Variants in ELP4 observed in about 807,000 individuals in gnomAD.
ELP4 encodes elongator acetyltransferase complex subunit 4, also known as elongator complex protein 4.
Under a neutral mutation model 48.9 loss-of-function variants are expected in ELP4, and 51 were observed. That is an observed-to-expected ratio of 1.04 (90% CI 0.83 to 1.32). ELP4 has a LOEUF of 1.32. Among genes scored for constraint, ELP4 ranks in the 40% most tolerant of loss-of-function variants. The pLI is 0.00. For synonymous variants in ELP4, 210 were observed against 189.2 expected (o/e 1.11, Z -0.90); for missense variants, 519 against 514.6 (o/e 1.01, Z -0.08).
chr11:31,684,789 A>T (rs1474359890), intron 9 of ELP4, among the ~76,000 whole-genome samples: 3 of 152,166 alleles, frequency 2.0e-5, no homozygotes, highest in Admixed American at 6.5e-5. Context: ...CGTAAACAAA[A>T]ATCAATTCCA....
intron 5 of ELP4, among the ~76,000 whole-genome samples, chr11:31,610,165 G>A (rs779912569): frequency 6.6e-6 from 1 of 152,154 alleles, no homozygotes; most frequent in African/African-American, 2.4e-5. Context: ...AAAGGATATG[G>A]TGAATGATAA....
intron 9 of ELP4, among the ~76,000 whole-genome samples, chr11:31,709,401 G>A (rs1016341401): frequency 5.3e-5 from 8 of 152,220 alleles, no homozygotes; most frequent in East Asian, 3.9e-4. Context: ...AATACTTACC[G>A]AATGACCCAA....
At chr11:31,733,943 T>A (rs1295061422) in intron 9 of ELP4, among the ~76,000 whole-genome samples, 1 of 152,204 alleles carries the variant, frequency 6.6e-6, no homozygotes, top group Non-Finnish European at 1.5e-5. Flanking sequence ...CTATCTGTGA[T>A]GAAGATAGAT....
chr11:31,747,447 A>T (rs1947622093), intron 9 of ELP4, among the ~76,000 whole-genome samples: 1 of 152,182 alleles, frequency 6.6e-6, no homozygotes, highest in Non-Finnish European at 1.5e-5. Flanking sequence ...TTTAAGTTAC[A>T]TAAAAGAAGG....
At chr11:31,546,051 C>A (rs1007775665) in intron 3 of ELP4, among the ~76,000 whole-genome samples, 15 of 151,968 alleles carry the variant, frequency 9.9e-5, no homozygotes, top group African/African-American at 3.6e-4. Flanking sequence ...TAAAGACCAT[C>A]GAGACTAGGA....
At chr11:31,718,648 C>T (rs552826289) in intron 9 of ELP4, among the ~76,000 whole-genome samples, 34 of 152,296 alleles carry the variant, frequency 2.2e-4, no homozygotes, top group African/African-American at 7.2e-4. Flanking sequence ...AGCTGTCTTC[C>T]GGAGCACCTG....
At chr11:31,702,417 A>C (rs909291961) in intron 9 of ELP4, among the ~76,000 whole-genome samples, 1 of 152,110 alleles carries the variant, frequency 6.6e-6, no homozygotes, top group Non-Finnish European at 1.5e-5. Context: ...TAATGGATAC[A>C]GAGTTTCAAT....
intron 9 of ELP4, among the ~76,000 whole-genome samples, chr11:31,750,134 G>A (rs1565139832): frequency 6.6e-6 from 1 of 152,056 alleles, no homozygotes; most frequent in Non-Finnish European, 1.5e-5. Flanking sequence ...AAAGTGCTGG[G>A]ACTATAGGTG....
chr11:31,631,399 G>C (rs192472559), intron 6 of ELP4, among the ~76,000 whole-genome samples: 9 of 152,188 alleles, frequency 5.9e-5, no homozygotes, highest in African/African-American at 1.9e-4. Context: ...ATTTGCACAT[G>C]CCAGGTTTTG....
At chr11:31,742,898 C>T (rs1366321465) in intron 9 of ELP4, among the ~76,000 whole-genome samples, 7 of 152,188 alleles carry the variant, frequency 4.6e-5, no homozygotes, top group Non-Finnish European at 8.8e-5. Flanking sequence ...TCACACATAA[C>T]AATATTAACT....
intron 9 of ELP4, among the ~76,000 whole-genome samples, chr11:31,781,820 T>C (rs1179479851): frequency 1.3e-5 from 2 of 152,154 alleles, no homozygotes; most frequent in Non-Finnish European, 2.9e-5. Context: ...TTCATACCTT[T>C]GTTTCTGCCT....
chr11:31,575,843 A>G (rs962047338), intron 3 of ELP4, among the ~76,000 whole-genome samples: 5 of 152,344 alleles, frequency 3.3e-5, no homozygotes, highest in Admixed American at 6.5e-5. Flanking sequence ...AACATGCCAA[A>G]TTGTAAAGAC....
intron 9 of ELP4, among the ~76,000 whole-genome samples, chr11:31,761,716 A>C (rs1218228814): frequency 6.6e-6 from 1 of 152,228 alleles, no homozygotes; most frequent in Admixed American, 6.5e-5. Context: ...CTAAACAAAT[A>C]AGAAGGAGTA....
At chr11:31,733,970 A>G (rs1947249450) in intron 9 of ELP4, among the ~76,000 whole-genome samples, 1 of 152,234 alleles carries the variant, frequency 6.6e-6, no homozygotes. Context: ...ATCTTCAACA[A>G]AAAACCTAGC....
rs528098964 is a variant in ELP4, at chr11:31,557,634, G to C, written c.381+17851G>C. ...CTCAGGTGCAACTATTGTTTTCCTAGTTCTGCCAAAAAATGGGACAGTTAT... is the reference window on the plus strand; with the variant it reads ...CTCAGGTGCAACTATTGTTTTCCTACTTCTGCCAAAAAATGGGACAGTTAT... On this transcript the variant is annotated intron_variant, in intron 3 of 9. Transcript: ENST00000640961. 7.2e-5 allele frequency among the ~76,000 whole-genome samples: 11 copies of C among 152,008 alleles called. No homozygotes were observed. In the South Asian group the frequency reaches 2.1e-3, roughly 29 times the overall value.
chr11:31,752,291 T>C (rs1408494890), intron 9 of ELP4, among the ~76,000 whole-genome samples: 2 of 151,968 alleles, frequency 1.3e-5, no homozygotes, highest in Non-Finnish European at 2.9e-5. Context: ...AAAAAACAAA[T>C]TTCCTAGGAA....
intron 9 of ELP4, among the ~76,000 whole-genome samples, chr11:31,737,025 T>C (rs12278167): frequency 1.5e-3 from 225 of 152,346 alleles, no homozygotes; most frequent in African/African-American, 5.4e-3. Flanking sequence ...CACGTATGTT[T>C]ATTGCAGCAC....
chr11:31,510,397 A>G (rs1040002082), intron 1 of ELP4: 2 of 416,796 alleles, frequency 4.8e-6, no homozygotes, highest in Admixed American at 7.8e-5. Flanking sequence ...CCAGCCTGCA[A>G]AAGTTTTTAT....
At chr11:31,610,629 T>C (rs1304832518) in intron 5 of ELP4, among the ~76,000 whole-genome samples, 2 of 152,118 alleles carry the variant, frequency 1.3e-5, no homozygotes, top group Admixed American at 1.3e-4. Flanking sequence ...GTTTCAACAT[T>C]TCACTTAGGA....
Sources: allele counts gnomAD v4.1 joint callset (sites outside exome capture counted in the v4.1 genomes callset), GRCh38; gene constraint gnomAD v4.1.1; transcripts MANE v1.5; gene names NCBI Gene and HGNC (gene_info 2026-07-23, HGNC 2026-07-21).